OR51B5: variants seen among roughly 807,000 people sequenced by gnomAD.
OR51B5 encodes the protein olfactory receptor family 51 subfamily B member 5.
For missense variants in OR51B5, 456 were observed against 374.6 expected, an observed-to-expected ratio of 1.22 and a Z score of -1.79; for synonymous variants, 186 against 144.8, an observed-to-expected ratio of 1.28 and a Z score of -2.04.
intron 1 of OR51B5, chr11:5,453,364 C>T (rs533547313): frequency 3.3e-6 from 2 of 602,954 alleles, no homozygotes; most frequent in Non-Finnish European, 2.7e-6. Flanking sequence ...CGTCAGTTTC[C>T]ATTTATGTCA....
chr11:5,411,304 G>C (rs530413244), intron 1 of OR51B5, among the ~76,000 whole-genome samples: 3 of 152,312 alleles, frequency 2.0e-5, no homozygotes, highest in Admixed American at 1.3e-4. Flanking sequence ...ACAGTATTCA[G>C]TAGAGCAACA....
intron 1 of OR51B5, among the ~76,000 whole-genome samples, chr11:5,373,909 A>G (rs1248119892): frequency 2.0e-5 from 3 of 152,106 alleles, no homozygotes; most frequent in Non-Finnish European, 4.4e-5. Context: ...CAGGGCACAG[A>G]CAAACAAAAA....
chr11:5,371,552 G>A (rs1849448565), intron 1 of OR51B5, among the ~76,000 whole-genome samples: 1 of 152,036 alleles, frequency 6.6e-6, no homozygotes, highest in South Asian at 2.1e-4. Flanking sequence ...AGTTTTAAGA[G>A]TGGAAATAAC....
At chr11:5,454,595 T>C in intron 1 of OR51B5, 1 of 559,776 alleles carries the variant, frequency 1.8e-6, no homozygotes, top group Non-Finnish European at 3.1e-6. Context: ...AAATGAATAG[T>C]ACATTCACTA....
At chr11:5,376,369 C>G (rs144087666) in intron 1 of OR51B5, among the ~76,000 whole-genome samples, 23,751 of 151,758 alleles carry the variant, frequency 0.16, 2,175 homozygotes, top group Non-Finnish European at 0.21. Context: ...AAGAAAGATC[C>G]AAAATTGACA....
intron 1 of OR51B5, chr11:5,489,010 G>T: frequency 6.2e-7 from 1 of 1,614,026 alleles, no homozygotes; most frequent in Non-Finnish European, 8.5e-7. Flanking sequence ...TGGATGCCTG[G>T]CCCAGATGTT....
At chr11:5,374,113 A>T (rs950103855) in intron 1 of OR51B5, among the ~76,000 whole-genome samples, 5 of 152,122 alleles carry the variant, frequency 3.3e-5, no homozygotes, top group Non-Finnish European at 5.9e-5. Context: ...TCACACGGCC[A>T]GGTACTCCTC....
chr11:5,459,684 C>T (rs1851017673), intron 1 of OR51B5, among the ~76,000 whole-genome samples: 1 of 150,160 alleles, frequency 6.7e-6, no homozygotes. Context: ...AATGGGATGC[C>T]ATCTCCCATC....
chr11:5,411,963 G>C (rs1243417316), intron 1 of OR51B5, among the ~76,000 whole-genome samples: 1 of 152,210 alleles, frequency 6.6e-6, no homozygotes, highest in Non-Finnish European at 1.5e-5. Flanking sequence ...CCAATCTCTT[G>C]ATTTTAGCCC....
intron 1 of OR51B5, among the ~76,000 whole-genome samples, chr11:5,504,201 A>T (rs1846339694): frequency 6.6e-6 from 1 of 152,208 alleles, no homozygotes; most frequent in South Asian, 2.1e-4. Context: ...TTTTTTAAAG[A>T]AAAAAAAGAA....
At chr11:5,418,731 G>T (rs1850279725) in intron 1 of OR51B5, among the ~76,000 whole-genome samples, 1 of 151,712 alleles carries the variant, frequency 6.6e-6, no homozygotes, top group African/African-American at 2.4e-5. Context: ...CCTATCGGGG[G>T]ATGGGGGGTT....
At position 5,467,132 on chromosome 11, in the gene OR51B5, G is replaced by A. The variant is rs556156466; in HGVS notation, n.84+38437C>T. 3.9e-5 allele frequency among the ~76,000 whole-genome samples: 6 copies of A among 152,294 alleles called. No individual in the cohort carries two copies. In the East Asian group the frequency reaches 1.2e-3, roughly 29 times the overall value. ...GTTTATGAGCACTTAGAGCCTGCAA[G>A]TATTGTTCCCAGTTTCACCAGTCAA... On this transcript the variant is annotated intron_variant and non_coding_transcript_variant, in intron 1 of 4. Coordinates refer to the OR51B5 transcript ENST00000415970.
At chr11:5,344,011 A>C (rs2133679583), upstream of OR51B5, among the ~76,000 whole-genome samples, 1 of 152,346 alleles carries the variant, frequency 6.6e-6, no homozygotes, top group East Asian at 1.9e-4. Context: ...TATCAGCTAA[A>C]GTCTCAACAG....
chr11:5,407,540 G>C (rs542103996), intron 1 of OR51B5, among the ~76,000 whole-genome samples: 14 of 152,076 alleles, frequency 9.2e-5, no homozygotes, highest in Admixed American at 3.3e-4. Context: ...TTTCTCACCC[G>C]CTTTTGATTT....
chr11:5,342,779 A>AAAACCAGGACACAGCAGATAT, exon 1 of OR51B5: 1 of 1,613,758 alleles, frequency 6.2e-7, no homozygotes, highest in Non-Finnish European at 8.5e-7. Context: ...TGTGACATAA[A>AAAACCAGGACACAGCAGATAT]AAACCAGGAC....
At chr11:5,421,566 CCA>C (rs767768578) in intron 1 of OR51B5, among the ~76,000 whole-genome samples, 8 of 152,134 alleles carry the variant, frequency 5.3e-5, no homozygotes, top group Non-Finnish European at 1.0e-4. Context: ...TCCCTTATTT[CCA>C]GTTATTTTTT....
At chr11:5,480,676 A>C (rs1356437339) in intron 1 of OR51B5, among the ~76,000 whole-genome samples, 1 of 151,650 alleles carries the variant, frequency 6.6e-6, no homozygotes, top group Non-Finnish European at 1.5e-5. Flanking sequence ...TAAAGGGGAT[A>C]TCACCACCGA....
intron 1 of OR51B5, among the ~76,000 whole-genome samples, chr11:5,418,700 G>A (rs1454287481): frequency 1.3e-5 from 2 of 151,830 alleles, no homozygotes; most frequent in Non-Finnish European, 2.9e-5. Flanking sequence ...GACACAGCGA[G>A]GGGAGCATCA....
At position 5,409,622 on chromosome 11, in the gene OR51B5, T is replaced by G. The variant is rs1424617767; in HGVS notation, n.85-62712A>C. Among the ~76,000 whole-genome samples the G allele has an allele frequency of 5.3e-5, 8 of 151,680 alleles. No individual in the cohort carries two copies. The East Asian group carries it at 1.5e-3, about 29-fold the overall frequency. ...AATAGCCAAATGAAAGCACAAAAATTGAAAATATAAAGCACAAAAATTGAA... is the reference window on the plus strand; with the variant it reads ...AATAGCCAAATGAAAGCACAAAAATGGAAAATATAAAGCACAAAAATTGAA... On this transcript the variant is annotated intron_variant and non_coding_transcript_variant, in intron 1 of 4. Transcript: ENST00000415970.
Sources: allele counts gnomAD v4.1 joint callset (sites outside exome capture counted in the v4.1 genomes callset), GRCh38; gene constraint gnomAD v4.1.1; transcripts MANE v1.5; gene names NCBI Gene and HGNC (gene_info 2026-07-23, HGNC 2026-07-21).